The following NCOA3 variants were observed in gnomAD, a reference collection of about 807,000 sequenced individuals.
NCOA3 encodes the protein CBP-interacting protein.
In NCOA3, 51 loss-of-function variants were observed where a neutral mutation model predicts 158.8. That is an observed-to-expected ratio of 0.32 (90% CI 0.26 to 0.41). The LOEUF is 0.41. Among genes scored for constraint, NCOA3 ranks in the 10% least tolerant of loss-of-function variants. The pLI is 1.00. For synonymous variants in NCOA3, 537 were observed against 592.4 expected (o/e 0.91, Z 1.36); for missense variants, 1,510 against 1,746.6 (o/e 0.86, Z 2.41).
intron 2 of NCOA3, among the ~76,000 whole-genome samples, chr20:47,618,370 T>TTTTTTTTTA (rs1555811916): frequency 7.0e-6 from 1 of 142,096 alleles, no homozygotes; most frequent in Non-Finnish European, 1.5e-5. Context: ...TTTTTTTTTT[T>TTTTTTTTTA]ATAGACAGAA....
intron 19 of NCOA3, among the ~76,000 whole-genome samples, chr20:47,650,735 C>T (rs868251140): frequency 1.3e-5 from 2 of 151,968 alleles, no homozygotes; most frequent in South Asian, 2.1e-4. Flanking sequence ...TGGTGGTGCA[C>T]GCCTGTAATC....
At chr20:47,525,742 G>T (rs1365452390) in intron 1 of NCOA3, among the ~76,000 whole-genome samples, 9 of 104,726 alleles carry the variant, frequency 8.6e-5, no homozygotes, top group Admixed American at 3.7e-4. Flanking sequence ...CCCGGAGGGG[G>T]CGGCTGGCCG....
chr20:47,608,813 G>A (rs1244296718), intron 2 of NCOA3, among the ~76,000 whole-genome samples: 1 of 152,128 alleles, frequency 6.6e-6, no homozygotes, highest in East Asian at 1.9e-4. Context: ...AACTCTAGAA[G>A]CATTTGACTT....
At chr20:47,622,098 AT>A (rs1290567553) in intron 2 of NCOA3, 130 bp from the exon 3 acceptor site, 1 of 548,416 alleles carries the variant, frequency 1.8e-6, no homozygotes, top group African/African-American at 2.0e-5. Context: ...ATGAAAAAGA[AT>A]ATTGAGAATT....
At chr20:47,604,764 A>T (rs995688119) in intron 2 of NCOA3, among the ~76,000 whole-genome samples, 8 of 152,178 alleles carry the variant, frequency 5.3e-5, no homozygotes, top group Non-Finnish European at 1.2e-4. Context: ...AAGGATCATA[A>T]ACATTTATTT....
chr20:47,572,532 C>G (rs1045252667), intron 1 of NCOA3, among the ~76,000 whole-genome samples: 1 of 151,680 alleles, frequency 6.6e-6, no homozygotes, highest in African/African-American at 2.4e-5. Context: ...ATTTCTAGCC[C>G]CCCCCACCTG....
chr20:47,616,687 C>T (rs1185857061), intron 2 of NCOA3, among the ~76,000 whole-genome samples: 1 of 152,134 alleles, frequency 6.6e-6, no homozygotes, highest in Non-Finnish European at 1.5e-5. Context: ...ATGAGAAGTT[C>T]TTCCTTCCAG....
intron 2 of NCOA3, among the ~76,000 whole-genome samples, chr20:47,586,757 G>A (rs6066395): frequency 0.2 from 31,020 of 152,066 alleles, 3,505 homozygotes; most frequent in African/African-American, 0.28. Context: ...ACTCTGTTCA[G>A]TGGAGATGTT....
intron 1 of NCOA3, among the ~76,000 whole-genome samples, chr20:47,545,343 ATTTTTGTATTTT>A (rs1354585903): frequency 6.6e-6 from 1 of 151,612 alleles, no homozygotes; most frequent in Non-Finnish European, 1.5e-5. Context: ...CGCCCAGCTA[ATTTTTGTATTTT>A]TAGTAGAGAT....
At chr20:47,651,801 T>G (rs886361703) in intron 20 of NCOA3, among the ~76,000 whole-genome samples, 2 of 151,934 alleles carry the variant, frequency 1.3e-5, no homozygotes, top group Non-Finnish European at 2.9e-5. Context: ...TAGCTGGGAC[T>G]ACAGGTGCAT....
At chr20:47,653,358 T>G (rs2086827180) in intron 22 of NCOA3, 48 bp from the exon 23 acceptor site, 1 of 1,583,632 alleles carries the variant, frequency 6.3e-7, no homozygotes. Flanking sequence ...GCAAAGCATG[T>G]GTTTTACTCA....
At chr20:47,570,287 A>C (rs1381298430) in intron 1 of NCOA3, among the ~76,000 whole-genome samples, 1 of 152,046 alleles carries the variant, frequency 6.6e-6, no homozygotes, top group Non-Finnish European at 1.5e-5. Context: ...CAAAAAATAC[A>C]AAAATTAGCC....
At chr20:47,610,227 T>C (rs542537117) in intron 2 of NCOA3, among the ~76,000 whole-genome samples, 1 of 152,258 alleles carries the variant, frequency 6.6e-6, no homozygotes, top group South Asian at 2.1e-4. Context: ...GAAACTATTA[T>C]TATTGTTACT....
At chr20:47,565,045 G>C (rs867483748) in intron 1 of NCOA3, among the ~76,000 whole-genome samples, 1 of 152,058 alleles carries the variant, frequency 6.6e-6, no homozygotes, top group African/African-American at 2.4e-5. Flanking sequence ...GCAGTGGCAC[G>C]ATCTCGACTC....
At chr20:47,516,235 G>A (rs2084232053) in intron 1 of NCOA3, among the ~76,000 whole-genome samples, 1 of 152,186 alleles carries the variant, frequency 6.6e-6, no homozygotes, top group South Asian at 2.1e-4. Flanking sequence ...TATCAAGATG[G>A]TGGGGGGATG....
intron 2 of NCOA3, among the ~76,000 whole-genome samples, chr20:47,619,506 G>A (rs1478950282): frequency 6.6e-6 from 1 of 151,908 alleles, no homozygotes; most frequent in African/African-American, 2.4e-5. Context: ...TTAGCTGGGT[G>A]TGGTGGTGCT....
chr20:47,532,818 A>G (rs560563545), intron 1 of NCOA3, among the ~76,000 whole-genome samples: 22 of 152,062 alleles, frequency 1.4e-4, no homozygotes, highest in African/African-American at 5.3e-4. Flanking sequence ...CAAAAAGATC[A>G]TTTGGCTGGG....
At position 47,534,847 on chromosome 20, in the gene NCOA3, G is replaced by A. The variant is rs1380109279; in HGVS notation, c.-99+32828G>A. Among the ~76,000 whole-genome samples the A allele has an allele frequency of 2.6e-5, 4 of 152,044 alleles. No homozygotes were observed. In the East Asian group the frequency reaches 7.7e-4, roughly 29 times the overall value. On this transcript the variant is annotated intron_variant, in intron 1 of 22. Transcript: ENST00000371998. ...GGAGGATCGGTTGAGCCTGGGAAATGGAAGTTGCAGTGAGTAGAGATCATG... is the reference window on the plus strand; with the variant it reads ...GGAGGATCGGTTGAGCCTGGGAAATAGAAGTTGCAGTGAGTAGAGATCATG...
intron 17 of NCOA3, among the ~76,000 whole-genome samples, chr20:47,645,116 A>T (rs1412936196): frequency 1.3e-5 from 2 of 152,084 alleles, no homozygotes; most frequent in Non-Finnish European, 2.9e-5. Flanking sequence ...CAAGTGTGGG[A>T]TATTAAATTA....
Sources: allele counts gnomAD v4.1 joint callset (sites outside exome capture counted in the v4.1 genomes callset), GRCh38; gene constraint gnomAD v4.1.1; transcripts MANE v1.5; gene names NCBI Gene and HGNC (gene_info 2026-07-23, HGNC 2026-07-21).